RNF144A: variants seen among roughly 807,000 people sequenced by gnomAD.
RNF144A encodes the protein E3 ubiquitin-protein ligase RNF144A.
Under a neutral mutation model 38.7 loss-of-function variants are expected in RNF144A, and 11 were observed. That is an observed-to-expected ratio of 0.28 (90% confidence interval 0.18 to 0.47). RNF144A has a LOEUF of 0.47. RNF144A is among the 20% of genes least tolerant of loss of function. RNF144A has a pLI of 0.99. For synonymous variants in RNF144A, 149 were observed against 143.9 expected (o/e 1.04, Z -0.25); for missense variants, 316 against 377.2 (o/e 0.84, Z 1.34).
downstream of RNF144A, among the ~76,000 whole-genome samples, chr2:7,044,722 C>A (rs1036802769): frequency 5.9e-5 from 9 of 152,194 alleles, no homozygotes; most frequent in Non-Finnish European, 1.0e-4. Context: ...TCACCTCACT[C>A]CAGCTTGGAG....
At chr2:6,986,214 T>G (rs1318802261) in intron 2 of RNF144A, among the ~76,000 whole-genome samples, 1 of 151,990 alleles carries the variant, frequency 6.6e-6, no homozygotes, top group East Asian at 1.9e-4. Context: ...CAGGGTCACA[T>G]GGGTCAGTCA....
At chr2:7,034,507 G>A (rs148669880) in intron 8 of RNF144A, among the ~76,000 whole-genome samples, 69 of 152,240 alleles carry the variant, frequency 4.5e-4, no homozygotes, top group African/African-American at 1.5e-3. Context: ...TCAGGCTTCC[G>A]GCATCTCCCC....
intron 2 of RNF144A, among the ~76,000 whole-genome samples, chr2:6,975,499 C>T (rs1268600441): frequency 2.0e-5 from 3 of 152,328 alleles, no homozygotes; most frequent in South Asian, 2.1e-4. Context: ...CAGCCCTCCT[C>T]GCCATGTTAA....
In RNF144A at chr2:6,941,004, A is replaced by G. The variant is rs1421110704; in HGVS notation, c.-155A>G. The G allele has an allele frequency of 6.6e-6, 1 of 152,340 alleles. No individual in the cohort carries two copies. The highest frequency in any genetic ancestry group is 1.5e-5 in the Non-Finnish European group (1 of 68,218). The allele number at this position is 152,340 out of a possible 1,614,324, so 9.4% of individuals were successfully genotyped here. A position where few individuals can be genotyped will look rare whatever the true frequency, so the allele number is the denominator to read the frequency against. ...CCCAGCCTCCCCCAGCTCTGCAGGG[A>G]GCCCTGGTGCCAGAGACCTTCTCCC... On this transcript the variant is annotated 5_prime_UTR_variant, in exon 2 of 9. Transcript: ENST00000320892. This position sits in a 1 kb window ranked among gnomAD's most constrained non-coding sequence, Gnocchi z 6.5.
At chr2:6,978,155 G>A (rs939718336) in intron 2 of RNF144A, among the ~76,000 whole-genome samples, 2 of 152,200 alleles carry the variant, frequency 1.3e-5, no homozygotes, top group Non-Finnish European at 2.9e-5. Flanking sequence ...AGCTCTGGAG[G>A]ACGTGGACTT....
At chr2:7,009,878 C>T (rs1314990364) in intron 3 of RNF144A, among the ~76,000 whole-genome samples, 5 of 152,192 alleles carry the variant, frequency 3.3e-5, no homozygotes, top group African/African-American at 9.6e-5. Flanking sequence ...TGCTGGGGCT[C>T]AGAGGAATGC....
chr2:6,941,330 C>T lies in RNF144A; in HGVS notation c.-12+183C>T, dbSNP rs995572306. Reference sequence around the variant, plus strand: ...CCGGAATGAATTTTAAGATAGTGTTCAACACATTATTTTATGCCATCATAG... The same window carrying T: ...CCGGAATGAATTTTAAGATAGTGTTTAACACATTATTTTATGCCATCATAG... On this transcript the variant is annotated intron_variant, in intron 2 of 8. Transcript: ENST00000320892. This position sits in a 1 kb window ranked among gnomAD's most constrained non-coding sequence, Gnocchi z 6.5. Among the ~76,000 whole-genome samples, 2 of 152,180 alleles carry T rather than the reference C, an allele frequency of 1.3e-5. No individual in the cohort carries two copies. The highest frequency in any genetic ancestry group is 4.8e-5 in the African/African-American group (2 of 41,426).
At chr2:6,954,184 CTT>C (rs1666859859) in intron 2 of RNF144A, among the ~76,000 whole-genome samples, 1 of 151,862 alleles carries the variant, frequency 6.6e-6, no homozygotes, top group Non-Finnish European at 1.5e-5. Flanking sequence ...TTTTTTATGA[CTT>C]TAATATATTT....
chr2:7,045,980 A>T (rs558367575), downstream of RNF144A, among the ~76,000 whole-genome samples: 19 of 152,368 alleles, frequency 1.2e-4, no homozygotes, highest in African/African-American at 4.1e-4. Context: ...CTAGGTACAT[A>T]TATTTGTTTC....
intron 1 of RNF144A, among the ~76,000 whole-genome samples, chr2:6,927,240 T>A (rs943748528): frequency 2.0e-5 from 3 of 152,306 alleles, no homozygotes; most frequent in African/African-American, 7.2e-5. Context: ...CTCAGAAGGA[T>A]GTGTTTGCAG....
intron 2 of RNF144A, among the ~76,000 whole-genome samples, chr2:6,994,805 G>T (rs1372958424): frequency 6.6e-6 from 1 of 152,220 alleles, no homozygotes; most frequent in East Asian, 1.9e-4. Flanking sequence ...CTTGGAAGAG[G>T]CCCCTCCAGC....
intron 1 of RNF144A, among the ~76,000 whole-genome samples, chr2:6,923,147 G>A (rs73914436): frequency 0.014 from 2,153 of 152,296 alleles, 46 homozygotes; most frequent in African/African-American, 0.048. Context: ...TGAATGAAAG[G>A]GGGCCTGCCA....
intron 6 of RNF144A, among the ~76,000 whole-genome samples, chr2:7,054,531 C>G (rs1673653864): frequency 6.6e-6 from 1 of 152,160 alleles, no homozygotes; most frequent in Non-Finnish European, 1.5e-5. Flanking sequence ...AATCTGTTGC[C>G]AAATCCCTCA....
intron 3 of RNF144A, among the ~76,000 whole-genome samples, chr2:7,007,122 C>A (rs914980161): frequency 1.3e-5 from 2 of 152,146 alleles, no homozygotes; most frequent in Non-Finnish European, 2.9e-5. Context: ...CTCTTCACCC[C>A]AAAACCCTCC....
chr2:7,059,146 G>C (rs1180924345), intron 6 of RNF144A, among the ~76,000 whole-genome samples: 1 of 152,080 alleles, frequency 6.6e-6, no homozygotes, highest in Non-Finnish European at 1.5e-5. Context: ...AAGAGATCGA[G>C]ACCATCCTGG....
rs1003180535 is a variant in RNF144A, at chr2:7,041,411, G to A, written c.*1651G>A. ...TGTTGATTTTCCTTATGAACCCGAA[G>A]CCATTTAGAAAATCCCTGTGTGTCA... On this transcript the variant is annotated 3_prime_UTR_variant, in exon 9 of 9. Coordinates refer to ENST00000320892, the MANE Select transcript of RNF144A (RefSeq NM_014746.6). 3.0e-6 allele frequency: 3 copies of A among 985,706 alleles called. No homozygotes were observed. Among genetic ancestry groups the A allele is most frequent in the East Asian group, 2.3e-4 (2 of 8,828 alleles). 61.1% of individuals were successfully genotyped at this position (985,706 alleles called of 1,614,324 possible).
chr2:6,942,115 GC>G (rs1666031664), intron 2 of RNF144A, among the ~76,000 whole-genome samples: 1 of 152,256 alleles, frequency 6.6e-6, no homozygotes, highest in Admixed American at 6.5e-5. Flanking sequence ...GGAGGATATT[GC>G]AGATGGCAGA....
intron 2 of RNF144A, among the ~76,000 whole-genome samples, chr2:6,970,651 C>T (rs190800901): frequency 8.5e-5 from 13 of 152,304 alleles, no homozygotes; most frequent in South Asian, 2.1e-4. Context: ...AAAACTGAGG[C>T]CTGGAGAGGG....
At chr2:6,945,764 G>T (rs754729295) in intron 2 of RNF144A, among the ~76,000 whole-genome samples, 7 of 151,696 alleles carry the variant, frequency 4.6e-5, no homozygotes, top group Non-Finnish European at 7.4e-5. Context: ...GTGGATTCCA[G>T]TTCCCAAAAC....
Sources: gnomAD v4.1 joint callset for allele counts (sites outside exome capture counted in the v4.1 genomes callset) on GRCh38, gnomAD v4.1.1 for gene constraint, Gnocchi (gnomAD v3.1) non-coding constraint, MANE v1.5 for transcripts, NCBI Gene and HGNC (gene_info 2026-07-23, HGNC 2026-07-21) for gene names.